TBC1D5: variants seen among roughly 807,000 people sequenced by gnomAD.
TBC1D5 encodes the protein TBC1 domain family member 5.
Under a neutral mutation model 100.3 loss-of-function variants are expected in TBC1D5, and 75 were observed. That is an observed-to-expected ratio of 0.75 (90% CI 0.62 to 0.91). The LOEUF (loss-of-function observed/expected upper bound fraction) is 0.91. Ranked by LOEUF, TBC1D5 falls within the 40% of genes least tolerant of loss-of-function variation. TBC1D5 has a pLI of 0.00. For synonymous variants in TBC1D5, 323 were observed against 325.6 expected, an observed-to-expected ratio of 0.99 and a Z score of 0.09; for missense variants, 910 against 942.4, an observed-to-expected ratio of 0.97 and a Z score of 0.45.
intron 17 of TBC1D5, among the ~76,000 whole-genome samples, chr3:17,225,109 T>C (rs952452590): frequency 6.6e-6 from 1 of 152,100 alleles, no homozygotes; most frequent in Non-Finnish European, 1.5e-5. Context: ...CACACCTGGA[T>C]ATTTAACCAA....
At chr3:17,515,819 C>T (rs2095978975) in intron 2 of TBC1D5, among the ~76,000 whole-genome samples, 1 of 152,082 alleles carries the variant, frequency 6.6e-6, no homozygotes, top group African/African-American at 2.4e-5. Flanking sequence ...GTAAGGAAAG[C>T]AAGTAATAAG....
At chr3:17,494,399 C>T (rs1406364213) in intron 3 of TBC1D5, among the ~76,000 whole-genome samples, 2 of 152,200 alleles carry the variant, frequency 1.3e-5, no homozygotes, top group African/African-American at 4.8e-5. Flanking sequence ...GGCACGGAAT[C>T]AGGAACCTGC....
intron 13 of TBC1D5, among the ~76,000 whole-genome samples, chr3:17,319,712 T>C (rs2085150195): frequency 6.6e-6 from 1 of 151,718 alleles, no homozygotes; most frequent in Non-Finnish European, 1.5e-5. Context: ...CTACTAAAAA[T>C]ACAAAAAATT....
At chr3:17,201,284 C>G (rs1319926603) in intron 18 of TBC1D5, among the ~76,000 whole-genome samples, 2 of 152,106 alleles carry the variant, frequency 1.3e-5, no homozygotes, top group East Asian at 3.9e-4. Context: ...CAAATATGAA[C>G]CCCAGACCAG....
At chr3:17,279,577 T>C (rs906709103) in intron 15 of TBC1D5, among the ~76,000 whole-genome samples, 4 of 152,204 alleles carry the variant, frequency 2.6e-5, no homozygotes, top group Admixed American at 2.6e-4. Context: ...TTGCACCCCT[T>C]TGGATTATCT....
intron 9 of TBC1D5, among the ~76,000 whole-genome samples, chr3:17,379,925 T>C (rs972187788): frequency 6.6e-6 from 1 of 152,002 alleles, no homozygotes; most frequent in Non-Finnish European, 1.5e-5. Flanking sequence ...TCAACTGTTT[T>C]TGAATGATGG....
chr3:17,617,591 C>T (rs1159717701), intron 2 of TBC1D5, among the ~76,000 whole-genome samples: 1 of 152,102 alleles, frequency 6.6e-6, no homozygotes, highest in Non-Finnish European at 1.5e-5. Flanking sequence ...GCTTCGTTTG[C>T]TTCTTTTTAC....
chr3:17,654,584 G>C (rs1014727326), intron 1 of TBC1D5, among the ~76,000 whole-genome samples: 3 of 152,128 alleles, frequency 2.0e-5, no homozygotes, highest in East Asian at 3.9e-4. Context: ...GAGGATTTTT[G>C]CATCAATGTT....
intron 2 of TBC1D5, among the ~76,000 whole-genome samples, chr3:17,556,618 T>C (rs1219017969): frequency 2.0e-5 from 3 of 152,232 alleles, no homozygotes; most frequent in Non-Finnish European, 4.4e-5. Context: ...CTTAATAGAA[T>C]GCAACTGATC....
chr3:17,442,297 T>C (rs2094681125), intron 3 of TBC1D5, among the ~76,000 whole-genome samples: 1 of 152,162 alleles, frequency 6.6e-6, no homozygotes, highest in African/African-American at 2.4e-5. Flanking sequence ...GCTGCCACAG[T>C]AGGTTGGTGG....
chr3:17,467,808 A>G (rs2095325598), intron 3 of TBC1D5, among the ~76,000 whole-genome samples: 1 of 152,082 alleles, frequency 6.6e-6, no homozygotes, highest in South Asian at 2.1e-4. Context: ...GAGACATGAG[A>G]ATTGCTCAAA....
chr3:17,536,986 A>T (rs2096288660), intron 2 of TBC1D5, among the ~76,000 whole-genome samples: 1 of 152,172 alleles, frequency 6.6e-6, no homozygotes, highest in African/African-American at 2.4e-5. Context: ...AAGGTGTCAG[A>T]CTGTTAGTTA....
intron 2 of TBC1D5, chr3:17,575,354 C>T (rs2096651591): frequency 1.3e-5 from 2 of 151,852 alleles, no homozygotes; most frequent in Admixed American, 1.3e-4. Flanking sequence ...ATTACATATG[C>T]CATTCAAAAT....
intron 3 of TBC1D5, among the ~76,000 whole-genome samples, chr3:17,488,898 C>CA (rs2095603343): frequency 1.3e-5 from 2 of 150,336 alleles, no homozygotes; most frequent in African/African-American, 4.9e-5. Context: ...CATAGAAGCA[C>CA]AAACTCTATC....
chr3:17,448,733 T>C (rs1335126342), intron 3 of TBC1D5, among the ~76,000 whole-genome samples: 3 of 152,236 alleles, frequency 2.0e-5, no homozygotes, highest in African/African-American at 7.2e-5. Flanking sequence ...GCAAATGTAC[T>C]AACATCCAGC....
intron 3 of TBC1D5, among the ~76,000 whole-genome samples, chr3:17,469,621 A>G (rs949729419): frequency 1.3e-5 from 2 of 152,250 alleles, no homozygotes; most frequent in Non-Finnish European, 2.9e-5. Context: ...AGGGGTTTAC[A>G]TATGTTCCAA....
chr3:17,551,411 A>C (rs2096472332), intron 2 of TBC1D5, among the ~76,000 whole-genome samples: 1 of 152,122 alleles, frequency 6.6e-6, no homozygotes, highest in Non-Finnish European at 1.5e-5. Flanking sequence ...CACACACAAT[A>C]CTCATGTCAT....
chr3:17,660,903 T>C (rs917492096), intron 1 of TBC1D5, among the ~76,000 whole-genome samples: 1 of 152,216 alleles, frequency 6.6e-6, no homozygotes, highest in Admixed American at 6.5e-5. Flanking sequence ...ATTTGAAACC[T>C]GGAAATAGCT....
At chr3:17,474,969 T>A (rs2095420791) in intron 3 of TBC1D5, among the ~76,000 whole-genome samples, 1 of 152,166 alleles carries the variant, frequency 6.6e-6, no homozygotes, top group Non-Finnish European at 1.5e-5. Flanking sequence ...CTTGCTTTAA[T>A]GTCATTCCTT....
Sources: allele counts gnomAD v4.1 joint callset (sites outside exome capture counted in the v4.1 genomes callset), GRCh38; gene constraint gnomAD v4.1.1; transcripts MANE v1.5; gene names NCBI Gene and HGNC (gene_info 2026-07-23, HGNC 2026-07-21).